The following SLC6A19 variants were observed in gnomAD, a reference collection of about 807,000 sequenced individuals.
SLC6A19 encodes the protein sodium-dependent neutral amino acid transporter B(0)AT1.
SLC6A19 carries 67 observed loss-of-function variants against 68.3 expected under a neutral mutation model. The observed-to-expected ratio is 0.98, with a 90% CI of 0.81 to 1.20. SLC6A19 has a LOEUF of 1.20. SLC6A19 is among the 50% of genes most tolerant of loss of function. The pLI, the probability that SLC6A19 is intolerant of heterozygous loss-of-function variation, is 0.00. For synonymous variants in SLC6A19, 392 were observed against 374.9 expected (o/e 1.05, Z -0.53); for missense variants, 813 against 851.6 (o/e 0.95, Z 0.56).
At chr5:1,219,365 C>G in intron 9 of SLC6A19, 140 bp from the exon 10 acceptor site, 1 of 1,304,662 alleles carries the variant, frequency 7.7e-7, no homozygotes, top group Non-Finnish European at 1.1e-6. Flanking sequence ...GCTCTGTCCC[C>G]GGCAGTGTGT....
At chr5:1,210,643 G>T in intron 3 of SLC6A19, 62 bp downstream of exon 3, 1 of 1,603,932 alleles carries the variant, frequency 6.2e-7, no homozygotes, top group South Asian at 1.1e-5. Flanking sequence ...TCTCATAGCA[G>T]GCACATGGCC....
rs1440392436 is a variant in SLC6A19, at chr5:1,213,850, C to T, written c.775-103C>T. On this transcript the variant is annotated intron_variant, in intron 5 of 11. Transcript: ENST00000304460. ...AGGGGGCCCTGGCCTGTCCTGACCA[C>T]CCCAATAGCCTCGACCCTCCCCGCC... 12 of 1,575,716 alleles carry T rather than the reference C, an allele frequency of 7.6e-6. No individual in the cohort carries two copies. The Admixed American group carries it at 8.5e-5, about 11-fold the overall frequency.
At chr5:1,201,984 G>A in intron 1 of SLC6A19, 132 bp downstream of exon 1, 1 of 1,274,134 alleles carries the variant, frequency 7.8e-7, no homozygotes, top group Non-Finnish European at 1.1e-6. Context: ...AAGCCGCAGG[G>A]TGTGGGGGGA....
chr5:1,207,909 C>T (rs1334519822), intron 1 of SLC6A19, among the ~76,000 whole-genome samples: 1 of 152,190 alleles, frequency 6.6e-6, no homozygotes, highest in Non-Finnish European at 1.5e-5. Context: ...AGAATGATAG[C>T]TGAAGGTGTC....
In SLC6A19 at chr5:1,209,022, A is replaced by T; in HGVS notation, c.343+136A>T. ...TCCCTGTCTGTTTCTGGTGCAACAA[A>T]GGTCCCAGCTTCATCTCCTGGAGGC... On this transcript the variant is annotated intron_variant, in intron 2 of 11. Coordinates refer to ENST00000304460, the MANE Select transcript of SLC6A19 (RefSeq NM_001003841.3). This position sits in a 1 kb window ranked among gnomAD's most constrained non-coding sequence, Gnocchi z 5.5. 2 of 1,225,524 alleles carry T rather than the reference A, an allele frequency of 1.6e-6. No individual in the cohort carries two copies. The highest frequency in any genetic ancestry group is 2.2e-6 in the Non-Finnish European group (2 of 908,826). The allele number at this position is 1,225,524 out of a possible 1,614,324, so 75.9% of individuals were successfully genotyped here. A position where few individuals can be genotyped will look rare whatever the true frequency, so the allele number is the denominator to read the frequency against.
chr5:1,205,322 A>T (rs1216037534), intron 1 of SLC6A19, among the ~76,000 whole-genome samples: 1 of 152,246 alleles, frequency 6.6e-6, no homozygotes, highest in Non-Finnish European at 1.5e-5. Flanking sequence ...TTAATTGTCA[A>T]GAATGCTTGG....
rs967212443 is a variant in SLC6A19 at position 1,216,669 on chromosome 5, C to T, written c.999C>T (p.Tyr333=). ...SVIGFRATQR[Y]DDCFSTNILT... is the part of the protein sequence containing the mutation. The stretch of plus-strand genomic sequence containing the variant: ...TTGGGTTCCGCGCCACACAGCGCTA[C>T]GACGACTGCTTCAGCACGTGAGTGG... The change falls in exon 7 of 12, where the codon TAC becomes TAT. Residue 333 remains tyrosine, a synonymous_variant. Coordinates refer to ENST00000304460, the MANE Select transcript of SLC6A19 (RefSeq NM_001003841.3). 9 of 1,613,720 alleles carry T rather than the reference C, an allele frequency of 5.6e-6. No homozygotes were observed. Among genetic ancestry groups the T allele is most frequent in the African/African-American group, 2.7e-5 (2 of 75,068 alleles).
chr5:1,219,259 C>CT, intron 9 of SLC6A19, 152 bp downstream of exon 9: 1 of 1,013,856 alleles, frequency 9.9e-7, no homozygotes, highest in Admixed American at 2.2e-5. Flanking sequence ...AGCCCCCAGG[C>CT]GTGTGAACAG....
In SLC6A19 at chr5:1,209,876, A is replaced by G. The variant is rs1745973827; in HGVS notation, c.344-568A>G. The stretch of plus-strand genomic sequence containing the variant: ...TTGAAACTTCAGTAAAGCATGTACT[A>G]CATAGCACACTTTCCATCCTGCCTA... On this transcript the variant is annotated intron_variant, in intron 2 of 11. Coordinates refer to ENST00000304460, the MANE Select transcript of SLC6A19 (RefSeq NM_001003841.3). The surrounding 1 kb of genome is among the most constrained non-coding windows in gnomAD (Gnocchi z 5.5). Among the ~76,000 whole-genome samples, 1 of 152,236 alleles carries G rather than the reference A, an allele frequency of 6.6e-6. No individual in the cohort carries two copies. Among genetic ancestry groups the G allele is most frequent in the African/African-American group, 2.4e-5 (1 of 41,446 alleles).
At position 1,224,305 on chromosome 5, in the gene SLC6A19, T is replaced by C. The variant is rs1423917908; in HGVS notation, c.*2401T>C. On this transcript the variant is annotated 3_prime_UTR_variant, in exon 12 of 12. Transcript: ENST00000304460. Reference sequence around the variant, plus strand: ...GCGTTGTTTCATAGGTTTCAATGTCTCTGTAAATGTGGTAGAAATGCAGGC... The same window carrying C: ...GCGTTGTTTCATAGGTTTCAATGTCCCTGTAAATGTGGTAGAAATGCAGGC... The C allele has an allele frequency of 6.6e-6, 1 of 152,260 alleles. No homozygotes were observed. The allele number at this position is 152,260 out of a possible 1,614,324, so 9.4% of individuals were successfully genotyped here.
In SLC6A19 at chr5:1,219,025, G is replaced by A; in HGVS notation, c.1296G>A (p.Met432Ile). Reference sequence around the variant, plus strand: ...TCTTCTGCCTGGGGCTGTCATCTATGTTTGGGAACATGGAGGGCGTCGTTG... The same window carrying A: ...TCTTCTGCCTGGGGCTGTCATCTATATTTGGGAACATGGAGGGCGTCGTTG... ...IMLFCLGLSS[M>I]FGNMEGVVVP... Residue 432 changes from methionine to isoleucine, a missense_variant, in exon 9 of 12, where the codon ATG becomes ATA. Coordinates refer to ENST00000304460, the MANE Select transcript of SLC6A19 (RefSeq NM_001003841.3). 2 of 1,613,742 alleles carry A rather than the reference G, an allele frequency of 1.2e-6. No homozygotes were observed. Among genetic ancestry groups the A allele is most frequent in the Non-Finnish European group, 1.7e-6 (2 of 1,179,730 alleles).
intron 3 of SLC6A19, among the ~76,000 whole-genome samples, 177 bp downstream of exon 3, chr5:1,210,758 G>A (rs1381251601): frequency 6.6e-6 from 1 of 152,240 alleles, no homozygotes; most frequent in Admixed American, 6.5e-5. Flanking sequence ...TGGCTCTTGT[G>A]TGGGGGGCGT....
intron 3 of SLC6A19, among the ~76,000 whole-genome samples, chr5:1,211,925 A>C (rs1330271335): frequency 1.4e-5 from 2 of 140,710 alleles, no homozygotes; most frequent in African/African-American, 5.7e-5. Flanking sequence ...ATGTGTGTGC[A>C]TGTGAGCATG....
At position 1,215,920 on chromosome 5, in the gene SLC6A19, A is replaced by G. The variant is rs1202805556; in HGVS notation, c.888-638A>G. On this transcript the variant is annotated intron_variant, in intron 6 of 11. Coordinates refer to ENST00000304460, the MANE Select transcript of SLC6A19 (RefSeq NM_001003841.3). The surrounding 1 kb of genome is among the most constrained non-coding windows in gnomAD (Gnocchi z 5.1). ...TATTGTCTGACTTTTGTTTCTGGCC[A>G]TCCCAGCAGGGGTGTGGTGAGATCT... Among the ~76,000 whole-genome samples, 1 of 152,106 alleles carries G rather than the reference A, an allele frequency of 6.6e-6. No individual in the cohort carries two copies. The highest frequency in any genetic ancestry group is 1.5e-5 in the Non-Finnish European group (1 of 68,024).
Position 1,212,572 on chromosome 5 carries a change from G to C in SLC6A19, c.663+88G>C, listed in dbSNP as rs1746075043. 1 of 1,527,858 alleles carries C rather than the reference G, an allele frequency of 6.5e-7. No homozygotes were observed. Among genetic ancestry groups the C allele is most frequent in the Non-Finnish European group, 8.9e-7 (1 of 1,121,368 alleles). 94.6% of individuals were successfully genotyped at this position (1,527,858 alleles called of 1,614,324 possible). On this transcript the variant is annotated intron_variant, in intron 4 of 11. Transcript: ENST00000304460. The surrounding 1 kb of genome is among the most constrained non-coding windows in gnomAD (Gnocchi z 5.1). ...CCGGCCGGCTGCACTCTAAAACCCA[G>C]GTCTGGGGGTCCCGGGCTCTGCCTT...
At chr5:1,206,974 C>T (rs1419797491) in intron 1 of SLC6A19, among the ~76,000 whole-genome samples, 2 of 152,220 alleles carry the variant, frequency 1.3e-5, no homozygotes, top group Non-Finnish European at 2.9e-5. Context: ...CTGTCGGCTT[C>T]GCTGTGCTCA....
At chr5:1,204,543 G>A (rs996765720) in intron 1 of SLC6A19, among the ~76,000 whole-genome samples, 8 of 152,216 alleles carry the variant, frequency 5.3e-5, no homozygotes, top group African/African-American at 1.4e-4. Flanking sequence ...GCAGGGCCCC[G>A]CAGTGCCGGT....
chr5:1,210,091 A>T (rs1276708091), intron 2 of SLC6A19, among the ~76,000 whole-genome samples: 1 of 152,230 alleles, frequency 6.6e-6, no homozygotes, highest in Non-Finnish European at 1.5e-5. Context: ...CTGGTACATC[A>T]AAAGTTCTCT....
intron 10 of SLC6A19, 78 bp from the exon 11 acceptor site, chr5:1,221,073 G>A: frequency 6.5e-7 from 1 of 1,547,812 alleles, no homozygotes; most frequent in Non-Finnish European, 8.8e-7. Context: ...ATCTGTTCGG[G>A]TAGCAGAACG....
Sources: gnomAD v4.1 joint callset for allele counts (sites outside exome capture counted in the v4.1 genomes callset) on GRCh38, gnomAD v4.1.1 for gene constraint, Gnocchi (gnomAD v3.1) non-coding constraint, MANE v1.5 for transcripts, NCBI Gene and HGNC (gene_info 2026-07-23, HGNC 2026-07-21) for gene names.